SASS6: variants seen among roughly 807,000 people sequenced by gnomAD.
The protein encoded by SASS6 is spindle assembly abnormal protein 6 homolog.
In SASS6, 59 loss-of-function variants were observed where a neutral mutation model predicts 94.9. That is an observed-to-expected ratio of 0.62 (90% confidence interval 0.50 to 0.77). SASS6 has a LOEUF of 0.77. SASS6 is among the 30% of genes least tolerant of loss of function. The probability of loss-of-function intolerance (pLI) is 0.00; values close to 1 mark genes in which losing one functional copy is unlikely to be tolerated. For synonymous variants in SASS6, 264 were observed against 270.0 expected (o/e 0.98, Z 0.22); for missense variants, 698 against 734.1 (o/e 0.95, Z 0.57).
At chr1:100,089,358 T>C (rs1270869896) in intron 14 of SASS6, among the ~76,000 whole-genome samples, 1 of 152,018 alleles carries the variant, frequency 6.6e-6, no homozygotes, top group Non-Finnish European at 1.5e-5. Context: ...ATGACTAGAA[T>C]TTCCTAAACT....
Position 100,132,789 on chromosome 1 carries a change from A to C in SASS6, c.26T>G (p.Leu9Arg). The C allele has an allele frequency of 1.9e-6, 3 of 1,614,098 alleles. No individual in the cohort carries two copies. The highest frequency in any genetic ancestry group is 2.5e-6 in the Non-Finnish European group (3 of 1,179,944). Residue 9 changes from leucine (L) to arginine (R), a missense_variant, in exon 1 of 17, where the codon CTA becomes CGA. Leu to Arg is a moderately radical substitution (Grantham distance 102, BLOSUM62 -2). Transcript: ENST00000287482. ...TTTGCATTTCACCTGCAACGGGACT[A>C]GTTGGTGGAACAGCACTTGGCTCAT... Reference protein sequence around the residue: MSQVLFHQLVPLQVKCKDC... With the variant: MSQVLFHQRVPLQVKCKDC...
At chr1:100,126,134 A>G (rs1381168609) in intron 1 of SASS6, among the ~76,000 whole-genome samples, 192 bp from the exon 2 acceptor site, 1 of 152,234 alleles carries the variant, frequency 6.6e-6, no homozygotes, top group Non-Finnish European at 1.5e-5. Context: ...GTAATCTAGC[A>G]GTGTTTAACC....
At position 100,083,645 on chromosome 1, in the gene SASS6, T is replaced by C. The variant is rs1185896749; in HGVS notation, c.*1683A>G. The C allele has an allele frequency of 6.6e-6, 1 of 152,070 alleles. No homozygotes were observed. Among genetic ancestry groups the C allele is most frequent in the Non-Finnish European group, 1.5e-5 (1 of 67,940 alleles). The allele number at this position is 152,070 out of a possible 1,614,324, so 9.4% of individuals were successfully genotyped here. ...CATTAAATGCAACACTTTTTGATTA[T>C]TAACACATGTACAATTTTACACTGC... On this transcript the variant is annotated 3_prime_UTR_variant, in exon 17 of 17. Transcript: ENST00000287482.
In SASS6 at chr1:100,107,825, T is replaced by C. The variant is rs1055281450; in HGVS notation, c.1041A>G (p.Thr347=). 11 of 1,608,798 alleles carry C rather than the reference T, an allele frequency of 6.8e-6. No homozygotes were observed. In the African/African-American group the frequency reaches 1.1e-4, roughly 16 times the overall value. Residue 347 remains threonine, a synonymous_variant, in exon 9 of 17, where the codon ACA becomes ACG. Coordinates refer to ENST00000287482, the MANE Select transcript of SASS6 (RefSeq NM_194292.3). The part of the protein sequence containing the change: ...LVLRTKEAFD[T]IQEQKVVLEE... Reference sequence around the variant, plus strand: ...AAAAGTAGACCTTTTGTTCCTGGATTGTATCAAATGCCTCTTTTGTTCTTA... The same window carrying C: ...AAAAGTAGACCTTTTGTTCCTGGATCGTATCAAATGCCTCTTTTGTTCTTA...
At chr1:100,110,909 T>C (rs569859045) in intron 7 of SASS6, among the ~76,000 whole-genome samples, 220 of 152,084 alleles carry the variant, frequency 1.4e-3, no homozygotes, top group African/African-American at 5.1e-3. Flanking sequence ...TAATAAATAC[T>C]CGTATATATG....
rs761539787 is a variant in SASS6 at position 100,118,987 on chromosome 1, A to G, written c.669+31T>C. On this transcript the variant is annotated intron_variant, in intron 7 of 16. Coordinates refer to ENST00000287482, the MANE Select transcript of SASS6 (RefSeq NM_194292.3). ...ACAAAATGACTAACAGCAATAAAAG[A>G]TATTTTTTCAGTTTCCTTTAATGTT... The G allele has an allele frequency of 6.8e-5, 99 of 1,458,688 alleles. 3 individuals are homozygous for G. The Middle Eastern group carries it at 0.011, about 158-fold the overall frequency. The allele number at this position is 1,458,688 out of a possible 1,614,324, so 90.4% of individuals were successfully genotyped here.
At chr1:100,088,295 C>A in intron 14 of SASS6, 59 bp from the exon 15 acceptor site, 1 of 833,504 alleles carries the variant, frequency 1.2e-6, no homozygotes, top group Admixed American at 1.7e-5. Context: ...CAGTTTTGGG[C>A]AGAGGGGGGA....
intron 7 of SASS6, among the ~76,000 whole-genome samples, chr1:100,113,313 C>T (rs1395437613): frequency 6.6e-6 from 1 of 151,898 alleles, no homozygotes; most frequent in Non-Finnish European, 1.5e-5. Flanking sequence ...GCTTGAAAAT[C>T]AAGCCAAAAA....
At chr1:100,103,421 T>A (rs992331926) in intron 13 of SASS6, among the ~76,000 whole-genome samples, 2 of 152,182 alleles carry the variant, frequency 1.3e-5, no homozygotes, top group Non-Finnish European at 2.9e-5. Context: ...TGGAGATCAA[T>A]AGGCCAATCA....
chr1:100,096,752 T>C (rs969335433), intron 14 of SASS6, among the ~76,000 whole-genome samples: 11 of 152,246 alleles, frequency 7.2e-5, no homozygotes, highest in African/African-American at 2.7e-4. Context: ...GGTATTTTAA[T>C]ATTGATGTTA....
chr1:100,104,922 C>T (rs1652777630), intron 13 of SASS6, among the ~76,000 whole-genome samples: 1 of 152,038 alleles, frequency 6.6e-6, no homozygotes, highest in African/African-American at 2.4e-5. Context: ...CACTGCACTC[C>T]AGCCTCGGCA....
intron 15 of SASS6, 33 bp from the exon 16 acceptor site, chr1:100,085,663 A>G: frequency 3.8e-6 from 5 of 1,328,030 alleles, no homozygotes; most frequent in Non-Finnish European, 5.4e-6. Flanking sequence ...CTTATTTAAC[A>G]AAGTCTTTAT....
At chr1:100,130,586 G>A (rs913751267) in intron 1 of SASS6, among the ~76,000 whole-genome samples, 7 of 152,142 alleles carry the variant, frequency 4.6e-5, no homozygotes, top group African/African-American at 1.7e-4. Flanking sequence ...CTACTCAGGA[G>A]GCTAAGGTGA....
At position 100,084,641 on chromosome 1, in the gene SASS6, T is replaced by C. The variant is rs1249483357; in HGVS notation, c.*687A>G. The stretch of plus-strand genomic sequence containing the variant: ...GAAAAACTAGATGAGTATAAACATT[T>C]AGGAAGCACTGAAGTTTTAAAAACT... On this transcript the variant is annotated 3_prime_UTR_variant, in exon 17 of 17. Transcript: ENST00000287482. 6 of 152,108 alleles carry C rather than the reference T, an allele frequency of 3.9e-5. No individual in the cohort carries two copies. The highest frequency in any genetic ancestry group is 8.8e-5 in the Non-Finnish European group (6 of 67,956). 9.4% of individuals were successfully genotyped at this position (152,108 alleles called of 1,614,324 possible).
chr1:100,086,199 ATTACTTG>A (rs1651240081), intron 15 of SASS6, among the ~76,000 whole-genome samples: 1 of 152,152 alleles, frequency 6.6e-6, no homozygotes, highest in Admixed American at 6.5e-5. Context: ...TTTCCCTAGT[ATTACTTG>A]TAATAAGAAG....
At position 100,120,400 on chromosome 1, in the gene SASS6, T is replaced by C. The variant is rs1234283400; in HGVS notation, c.543A>G (p.Thr181=). The part of the protein sequence containing the change: ...LDDATKQLDF[T]RKTLAEKKQE... Reference sequence around the variant, plus strand: ...AAAATGAAATTTGAATTACCTTTCGTGTAAAGTCCAGTTGCTTAGTAGCAT... The same window carrying C: ...AAAATGAAATTTGAATTACCTTTCGCGTAAAGTCCAGTTGCTTAGTAGCAT... Residue 181 remains threonine (T), a synonymous_variant, in exon 6 of 17, where the codon ACA becomes ACG. Coordinates refer to ENST00000287482, the MANE Select transcript of SASS6 (RefSeq NM_194292.3). 6.7e-7 allele frequency: 1 copy of C among 1,503,454 alleles called. No homozygotes were observed. Among genetic ancestry groups the C allele is most frequent in the Non-Finnish European group, 9.3e-7 (1 of 1,080,856 alleles). The allele number at this position is 1,503,454 out of a possible 1,614,324, so 93.1% of individuals were successfully genotyped here.
intron 14 of SASS6, among the ~76,000 whole-genome samples, chr1:100,094,569 C>T (rs939208950): frequency 1.3e-5 from 2 of 152,038 alleles, no homozygotes; most frequent in Admixed American, 1.3e-4. Flanking sequence ...AAATTAACTC[C>T]AAGCTGGGTG....
chr1:100,126,444 G>A (rs1557896486), intron 1 of SASS6, among the ~76,000 whole-genome samples: 1 of 152,184 alleles, frequency 6.6e-6, no homozygotes, highest in South Asian at 2.1e-4. Flanking sequence ...ACCATGTCAT[G>A]TAATCAAACT....
intron 15 of SASS6, among the ~76,000 whole-genome samples, chr1:100,087,796 T>A (rs1651416732): frequency 6.6e-6 from 1 of 152,196 alleles, no homozygotes; most frequent in African/African-American, 2.4e-5. Context: ...CAAAAACAGC[T>A]GACCATGAGG....
Sources: allele counts gnomAD v4.1 joint callset (sites outside exome capture counted in the v4.1 genomes callset), GRCh38; gene constraint gnomAD v4.1.1; transcripts MANE v1.5; gene names NCBI Gene and HGNC (gene_info 2026-07-23, HGNC 2026-07-21).